ZNF148: variants seen among roughly 807,000 people sequenced by gnomAD.
ZNF148 encodes the protein zinc finger protein 148.
In ZNF148, 7 loss-of-function variants were observed where a neutral mutation model predicts 67.7. The ratio of observed to expected loss-of-function variants is 0.10; its 90% CI spans 0.06 to 0.19. ZNF148 has a LOEUF of 0.19. Among genes scored for constraint, ZNF148 ranks in the 10% least tolerant of loss-of-function variants. The pLI is 1.00. For synonymous variants in ZNF148, 333 were observed against 330.7 expected (o/e 1.01, Z -0.08); for missense variants, 583 against 947.1 (o/e 0.62, Z 5.05).
intron 1 of ZNF148, among the ~76,000 whole-genome samples, chr3:125,333,988 C>T (rs1374397267): frequency 6.6e-6 from 1 of 152,150 alleles, no homozygotes; most frequent in African/African-American, 2.4e-5. Context: ...CCAATGACAG[C>T]AAATGTTAAT....
chr3:125,252,994 A>G (rs1936911341), intron 7 of ZNF148, among the ~76,000 whole-genome samples: 1 of 152,048 alleles, frequency 6.6e-6, no homozygotes, highest in African/African-American at 2.4e-5. Flanking sequence ...TATGTTTTAA[A>G]ATCAGTTTGA....
chr3:125,329,150 T>C lies in ZNF148; in HGVS notation c.-153+2008A>G, dbSNP rs528772698. Among the ~76,000 whole-genome samples, 349 of 150,250 alleles carry C rather than the reference T, an allele frequency of 2.3e-3. 1 individual carries two copies. The highest frequency in any genetic ancestry group is 4.4e-3 in the Admixed American group (66 of 15,032). ...GTGTATACACCTATCATAATAAACATGAGTAAAGAAGTGAAAAATGTTGAA... is the reference window on the plus strand; with the variant it reads ...GTGTATACACCTATCATAATAAACACGAGTAAAGAAGTGAAAAATGTTGAA... On this transcript the variant is annotated intron_variant, in intron 2 of 8. Transcript: ENST00000360647.
chr3:125,234,022 TAAAG>T, intron 8 of ZNF148, 83 bp from the exon 9 acceptor site: 7 of 1,458,302 alleles, frequency 4.8e-6, no homozygotes, highest in Non-Finnish European at 5.5e-6. Flanking sequence ...ACAATTAATA[TAAAG>T]ATATATTAAT....
Position 125,240,781 on chromosome 3 carries a change from C to A in ZNF148, c.668-6452G>T, listed in dbSNP as rs1238225931. Among the ~76,000 whole-genome samples, 42 of 145,476 alleles carry A rather than the reference C, an allele frequency of 2.9e-4. No homozygotes were observed. In the East Asian group the frequency reaches 3.6e-3, roughly 12 times the overall value. ...TCCTGTCTGCAAAAAAAAAAAAAAA[C>A]CAAAAACCAAAAACCAAAACAAAAC... On this transcript the variant is annotated intron_variant, in intron 7 of 8. Transcript: ENST00000360647.
intron 3 of ZNF148, among the ~76,000 whole-genome samples, chr3:125,316,017 T>A (rs1940475303): frequency 6.6e-6 from 1 of 152,222 alleles, no homozygotes; most frequent in African/African-American, 2.4e-5. Context: ...TCTCAGCCTC[T>A]AGTAACTATC....
chr3:125,358,653 T>C (rs1559781733), intron 1 of ZNF148, among the ~76,000 whole-genome samples: 2 of 152,236 alleles, frequency 1.3e-5, no homozygotes, highest in Non-Finnish European at 2.9e-5. Flanking sequence ...AACTCATTCA[T>C]AACTCAAAAC....
intron 4 of ZNF148, among the ~76,000 whole-genome samples, chr3:125,299,522 T>C (rs1338288690): frequency 6.6e-6 from 1 of 151,984 alleles, no homozygotes; most frequent in African/African-American, 2.4e-5. Flanking sequence ...AAAATAAAAA[T>C]AATAAAGTCA....
At chr3:125,286,392 A>G (rs981269253) in intron 5 of ZNF148, among the ~76,000 whole-genome samples, 1 of 152,202 alleles carries the variant, frequency 6.6e-6, no homozygotes, top group African/African-American at 2.4e-5. Context: ...CATCTTAAGC[A>G]AAGTCAGACA....
At chr3:125,340,845 G>C (rs904805975) in intron 1 of ZNF148, among the ~76,000 whole-genome samples, 1 of 151,412 alleles carries the variant, frequency 6.6e-6, no homozygotes, top group Non-Finnish European at 1.5e-5. Flanking sequence ...AAAATTAGCC[G>C]GGCGTAGTGG....
intron 7 of ZNF148, among the ~76,000 whole-genome samples, chr3:125,255,435 C>T (rs769774944): frequency 2.6e-5 from 4 of 151,612 alleles, no homozygotes; most frequent in Non-Finnish European, 1.5e-5. Context: ...TTAGTAGAGA[C>T]GGGGTTTCCC....
intron 7 of ZNF148, among the ~76,000 whole-genome samples, chr3:125,252,163 T>C (rs1936867443): frequency 6.6e-6 from 1 of 152,238 alleles, no homozygotes; most frequent in Admixed American, 6.5e-5. Flanking sequence ...GTAGAAATTC[T>C]GTACATATTC....
chr3:125,280,877 A>C (rs1938348737), intron 5 of ZNF148, among the ~76,000 whole-genome samples: 1 of 152,064 alleles, frequency 6.6e-6, no homozygotes, highest in African/African-American at 2.4e-5. Context: ...GGCATACAGA[A>C]TGGGAGCTAA....
chr3:125,312,892 G>A (rs1425403870), intron 4 of ZNF148, among the ~76,000 whole-genome samples: 1 of 152,104 alleles, frequency 6.6e-6, no homozygotes, highest in African/African-American at 2.4e-5. Context: ...GATACAAAGA[G>A]AACAGAGAAT....
intron 4 of ZNF148, among the ~76,000 whole-genome samples, chr3:125,305,686 G>T (rs1057464808): frequency 2.6e-5 from 4 of 151,640 alleles, no homozygotes; most frequent in Non-Finnish European, 5.9e-5. Flanking sequence ...GGTGGTGTGT[G>T]CCTGTAGACC....
intron 1 of ZNF148, among the ~76,000 whole-genome samples, chr3:125,342,464 T>C (rs1941769680): frequency 1.3e-5 from 2 of 150,596 alleles, no homozygotes; most frequent in East Asian, 3.9e-4. Context: ...AGGCCAAAAA[T>C]AAAAGTGGCA....
At chr3:125,374,703 A>G (rs1943004967) in intron 1 of ZNF148, among the ~76,000 whole-genome samples, 1 of 151,946 alleles carries the variant, frequency 6.6e-6, no homozygotes, top group Non-Finnish European at 1.5e-5. Context: ...TGCGGTGCAT[A>G]AAGCACTGCA....
At chr3:125,266,997 GA>G (rs961922978) in intron 7 of ZNF148, among the ~76,000 whole-genome samples, 1 of 144,382 alleles carries the variant, frequency 6.9e-6, no homozygotes, top group African/African-American at 2.6e-5. Context: ...ATTGAATCAG[GA>G]AAAAATTCAA....
At chr3:125,352,685 T>G (rs1287881448) in intron 1 of ZNF148, among the ~76,000 whole-genome samples, 1 of 151,712 alleles carries the variant, frequency 6.6e-6, no homozygotes, top group Non-Finnish European at 1.5e-5. Context: ...AAAAAAGATC[T>G]TCTCAAATTC....
chr3:125,273,558 T>A (rs1241333458), intron 7 of ZNF148, among the ~76,000 whole-genome samples: 2 of 149,622 alleles, frequency 1.3e-5, no homozygotes, highest in Non-Finnish European at 3.0e-5. Flanking sequence ...TGCAATGGCA[T>A]GCTCTGCTCA....
Sources: allele counts gnomAD v4.1 joint callset (sites outside exome capture counted in the v4.1 genomes callset), GRCh38; gene constraint gnomAD v4.1.1; transcripts MANE v1.5; gene names NCBI Gene and HGNC (gene_info 2026-07-23, HGNC 2026-07-21).